The following PITX3 variants were observed in gnomAD, a reference collection of about 807,000 sequenced individuals.
PITX3 encodes the protein pituitary homeobox 3.
PITX3 carries 4 observed loss-of-function variants against 14.2 expected under a neutral mutation model. The ratio of observed to expected loss-of-function variants is 0.28; its 90% CI spans 0.14 to 0.65. The LOEUF (loss-of-function observed/expected upper bound fraction) is 0.65, where lower values mean the gene tolerates loss of function less well. PITX3 is among the 30% of genes least tolerant of loss of function. PITX3 has a pLI of 0.82. For synonymous variants in PITX3, 194 were observed against 204.5 expected (o/e 0.95, Z 0.44); for missense variants, 358 against 426.8 (o/e 0.84, Z 1.42).
Position 102,230,206 on chromosome 10 carries a change from TATTTC to T in PITX3, c.*303_*307del. On this transcript the variant is annotated 3_prime_UTR_variant, in exon 4 of 4. Transcript: ENST00000370002. Reference sequence around the variant, plus strand: ...ACGCCTTCGACAGTCCGCGCACGTTTATTTCATTTATCTTTGAAAACGAGGGAGGG... The same window carrying T: ...ACGCCTTCGACAGTCCGCGCACGTTTATTTATCTTTGAAAACGAGGGAGGG... The T allele has an allele frequency of 2.3e-6, 1 of 426,974 alleles. No individual in the cohort carries two copies. The highest frequency in any genetic ancestry group is 4.2e-6 in the Non-Finnish European group (1 of 237,212). The allele number at this position is 426,974 out of a possible 1,614,324, so 26.4% of individuals were successfully genotyped here.
At chr10:102,231,175 G>T (rs1409244574) in intron 3 of PITX3, 74 bp from the exon 4 acceptor site, 1 of 1,386,766 alleles carries the variant, frequency 7.2e-7, no homozygotes, top group Non-Finnish European at 9.5e-7. Flanking sequence ...CACCCCGACG[G>T]GGCTTCCAGC....
At chr10:102,232,479 TCG>T (rs897342187) in intron 1 of PITX3, among the ~76,000 whole-genome samples, 15 of 152,258 alleles carry the variant, frequency 9.9e-5, no homozygotes, top group African/African-American at 3.6e-4. Context: ...GGTCAGGAGT[TCG>T]AGACCAGCCT....
intron 1 of PITX3, among the ~76,000 whole-genome samples, chr10:102,238,866 G>C (rs2070466046): frequency 6.6e-6 from 1 of 152,122 alleles, no homozygotes; most frequent in African/African-American, 2.4e-5. Context: ...GACATGTGCT[G>C]ATCCTTCCAA....
chr10:102,237,156 T>C (rs1312098660), intron 1 of PITX3, among the ~76,000 whole-genome samples: 1 of 152,040 alleles, frequency 6.6e-6, no homozygotes, highest in Non-Finnish European at 1.5e-5. Context: ...CCCTATCTTG[T>C]AGGAGTCTGC....
rs764026154 is a variant in PITX3, at chr10:102,231,569, G to A, written c.321+19C>T. ...CGGAGGGCCCGCGCGGGTGCGAGTC[G>A]CGGGTCTGGAGAGCATACCCGCACG... On this transcript the variant is annotated intron_variant, in intron 3 of 3. Coordinates refer to ENST00000370002, the MANE Select transcript of PITX3 (RefSeq NM_005029.4). 2 of 1,527,402 alleles carry A rather than the reference G, an allele frequency of 1.3e-6. No individual in the cohort carries two copies. Among genetic ancestry groups the A allele is most frequent in the Admixed American group, 3.7e-5 (2 of 54,528 alleles). 94.6% of individuals were successfully genotyped at this position (1,527,402 alleles called of 1,614,324 possible). A position where few individuals can be genotyped will look rare whatever the true frequency, so the allele number is the denominator to read the frequency against.
At chr10:102,238,664 A>G (rs2070462030) in intron 1 of PITX3, among the ~76,000 whole-genome samples, 1 of 152,236 alleles carries the variant, frequency 6.6e-6, no homozygotes, top group Admixed American at 6.5e-5. Flanking sequence ...CCATTTGCAG[A>G]GGGCCTTCAC....
chr10:102,233,696 C>G (rs1160483447), intron 1 of PITX3, among the ~76,000 whole-genome samples: 2 of 152,176 alleles, frequency 1.3e-5, no homozygotes, highest in Non-Finnish European at 2.9e-5. Context: ...TGGGCCGGGC[C>G]TGGTCTCATG....
rs754434263 is a variant in PITX3, at chr10:102,231,045, G to C, written c.378C>G (p.Ala126=). 11 of 1,583,274 alleles carry C rather than the reference G, an allele frequency of 6.9e-6. No individual in the cohort carries two copies. Among genetic ancestry groups the C allele is most frequent in the South Asian group, 3.4e-5 (3 of 89,148 alleles). The change falls in exon 4 of 4, where the codon GCC becomes GCG. Residue 126 remains alanine, a synonymous_variant. Coordinates refer to ENST00000370002, the MANE Select transcript of PITX3 (RefSeq NM_005029.4). The part of the protein sequence containing the change: ...KWRKRERSQQ[A]ELCKGSFAAP... ...CCGCGAAGCTGCCTTTGCATAGCTC[G>C]GCCTGCTGGCTGCGCTCGCGCTTCC...
rs73344902 is a variant in PITX3, at chr10:102,232,985, G to A, written c.-12-893C>T. 4.7e-3 allele frequency among the ~76,000 whole-genome samples: 709 copies of A among 152,276 alleles called. 9 individuals are homozygous for A. Among genetic ancestry groups the A allele is most frequent in the African/African-American group, 0.015 (633 of 41,548 alleles). On this transcript the variant is annotated intron_variant, in intron 1 of 3. Coordinates refer to ENST00000370002, the MANE Select transcript of PITX3 (RefSeq NM_005029.4). ...AGTATGATCATCCTTTTTCTGCTGAGGAAACCGTAACTTGAAGGAACTTGA... is the reference window on the plus strand; with the variant it reads ...AGTATGATCATCCTTTTTCTGCTGAAGAAACCGTAACTTGAAGGAACTTGA...
intron 1 of PITX3, among the ~76,000 whole-genome samples, chr10:102,240,620 A>G (rs1309810070): frequency 1.3e-5 from 2 of 152,080 alleles, no homozygotes; most frequent in African/African-American, 4.8e-5. Context: ...GGAGAGACCC[A>G]CTTCGCTACC....
At chr10:102,233,594 A>C (rs2070312104) in intron 1 of PITX3, among the ~76,000 whole-genome samples, 1 of 152,034 alleles carries the variant, frequency 6.6e-6, no homozygotes, top group South Asian at 2.1e-4. Flanking sequence ...GTGAGCCACC[A>C]TGCCCAGCCT....
rs1223108226 is a variant in PITX3 at position 102,231,809 on chromosome 10, G to C, written c.119-19C>G. 2 of 1,593,200 alleles carry C rather than the reference G, an allele frequency of 1.3e-6. No homozygotes were observed. Among genetic ancestry groups the C allele is most frequent in the Admixed American group, 3.4e-5 (2 of 58,042 alleles). ...TCTGAGTCTGGGGGCCAGGGTGGGG[G>C]CAGGTCACAGAGCGCCCAAGCCAGC... On this transcript the variant is annotated intron_variant, in intron 2 of 3. Transcript: ENST00000370002.
chr10:102,232,783 C>T (rs2070285003), intron 1 of PITX3, among the ~76,000 whole-genome samples: 1 of 152,244 alleles, frequency 6.6e-6, no homozygotes, highest in Non-Finnish European at 1.5e-5. Flanking sequence ...TAGTATCCCC[C>T]TATACTCATA....
intron 1 of PITX3, among the ~76,000 whole-genome samples, chr10:102,234,275 C>A (rs2070328453): frequency 6.6e-6 from 1 of 152,172 alleles, no homozygotes; most frequent in Non-Finnish European, 1.5e-5. Flanking sequence ...CTCCCCACCC[C>A]ACCTCTCAAG....
rs772657106 is a variant in PITX3 at position 102,230,460 on chromosome 10, G to A, written c.*54C>T. On this transcript the variant is annotated 3_prime_UTR_variant, in exon 4 of 4. Transcript: ENST00000370002. ...GCCAGTCAAAATGACCCCAGTCCGCGGAGGCTGTGAATCGTTGCCCCCGCC... is the reference window on the plus strand; with the variant it reads ...GCCAGTCAAAATGACCCCAGTCCGCAGAGGCTGTGAATCGTTGCCCCCGCC... 3.8e-6 allele frequency: 6 copies of A among 1,565,602 alleles called. No individual in the cohort carries two copies. In the Admixed American group the frequency reaches 5.6e-5, roughly 15 times the overall value.
intron 1 of PITX3, 24 bp from the exon 2 acceptor site, chr10:102,232,116 C>T: frequency 1.5e-6 from 2 of 1,323,700 alleles, no homozygotes; most frequent in Non-Finnish European, 1.1e-6. Flanking sequence ...AAGACACAGA[C>T]CAGGGTAATG....
chr10:102,233,559 C>G (rs1221501022), intron 1 of PITX3, among the ~76,000 whole-genome samples: 1 of 152,142 alleles, frequency 6.6e-6, no homozygotes, highest in Non-Finnish European at 1.5e-5. Flanking sequence ...CTGCCTCGGC[C>G]TCCCAAAGTG....
chr10:102,237,977 A>T (rs2070444220), intron 1 of PITX3, among the ~76,000 whole-genome samples: 1 of 151,996 alleles, frequency 6.6e-6, no homozygotes, highest in Non-Finnish European at 1.5e-5. Context: ...CATCTTTGTG[A>T]CCTTTATTTG....
At chr10:102,240,230 T>G (rs967148648) in intron 1 of PITX3, among the ~76,000 whole-genome samples, 1 of 152,258 alleles carries the variant, frequency 6.6e-6, no homozygotes, top group Non-Finnish European at 1.5e-5. Context: ...CTTCCTGTTT[T>G]CCCATTGCCT....
Sources: gnomAD v4.1 joint callset for allele counts (sites outside exome capture counted in the v4.1 genomes callset) on GRCh38, gnomAD v4.1.1 for gene constraint, MANE v1.5 for transcripts, NCBI Gene and HGNC (gene_info 2026-07-23, HGNC 2026-07-21) for gene names.